The following INPP4B variants were observed in gnomAD, a reference collection of about 807,000 sequenced individuals.
INPP4B encodes inositol polyphosphate-4-phosphatase type II B.
A neutral mutation model predicts 122.5 loss-of-function variants in INPP4B; 55 were observed. The ratio of observed to expected loss-of-function variants is 0.45; its 90% CI spans 0.36 to 0.56. The LOEUF is 0.56. INPP4B is among the 20% of genes least tolerant of loss of function. The probability of loss-of-function intolerance (pLI) is 0.00; values close to 1 mark genes in which losing one functional copy is unlikely to be tolerated. For synonymous variants in INPP4B, 403 were observed against 388.7 expected, an observed-to-expected ratio of 1.04 and a Z score of -0.43; for missense variants, 1,000 against 1,097.7, an observed-to-expected ratio of 0.91 and a Z score of 1.26.
At chr4:142,160,215 A>C (rs1226060978) in intron 17 of INPP4B, 143 bp downstream of exon 17, 1 of 517,222 alleles carries the variant, frequency 1.9e-6, no homozygotes, top group African/African-American at 1.9e-5. Context: ...ATTGCCCCTA[A>C]GGAAAAATGT....
At chr4:142,246,078 CATT>C (rs1427065264) in intron 11 of INPP4B, among the ~76,000 whole-genome samples, 119 of 142,048 alleles carry the variant, frequency 8.4e-4, no homozygotes, top group African/African-American at 3.1e-3. Flanking sequence ...TGTATACACA[CATT>C]ATATATATGT....
intron 2 of INPP4B, among the ~76,000 whole-genome samples, chr4:142,620,728 C>T (rs965281260): frequency 6.6e-6 from 1 of 151,954 alleles, no homozygotes; most frequent in African/African-American, 2.4e-5. Context: ...AATTTTACAA[C>T]TATTTAGCAG....
chr4:142,237,650 C>G (rs1184890407), intron 12 of INPP4B, among the ~76,000 whole-genome samples: 1 of 151,382 alleles, frequency 6.6e-6, no homozygotes, highest in African/African-American at 2.4e-5. Context: ...TCTATGTTAT[C>G]TATAGAAATA....
chr4:142,544,182 G>A (rs546259181), intron 2 of INPP4B, among the ~76,000 whole-genome samples: 1 of 141,390 alleles, frequency 7.1e-6, no homozygotes, highest in African/African-American at 2.6e-5. Flanking sequence ...ACTGAGATCT[G>A]ACTTCTTCCT....
chr4:142,161,803 G>C (rs1224495555), intron 16 of INPP4B, among the ~76,000 whole-genome samples: 1 of 151,846 alleles, frequency 6.6e-6, no homozygotes. Context: ...AGGTGAAAGG[G>C]ATCTTAAAGT....
intron 12 of INPP4B, among the ~76,000 whole-genome samples, chr4:142,236,944 G>A (rs1019309314): frequency 6.6e-6 from 1 of 152,188 alleles, no homozygotes; most frequent in Non-Finnish European, 1.5e-5. Context: ...AATTTAATGA[G>A]ATTTAGAACC....
At chr4:142,733,440 G>A (rs1766386102) in intron 1 of INPP4B, among the ~76,000 whole-genome samples, 1 of 152,032 alleles carries the variant, frequency 6.6e-6, no homozygotes, top group Non-Finnish European at 1.5e-5. Flanking sequence ...AAGAAAATGA[G>A]ACAACTGAAT....
At chr4:142,624,731 A>C (rs1745902364) in intron 2 of INPP4B, among the ~76,000 whole-genome samples, 1 of 152,208 alleles carries the variant, frequency 6.6e-6, no homozygotes, top group African/African-American at 2.4e-5. Context: ...AAAAATCCTC[A>C]ATAAAATACT....
intron 12 of INPP4B, among the ~76,000 whole-genome samples, chr4:142,211,521 A>G (rs949338404): frequency 1.3e-5 from 2 of 152,132 alleles, no homozygotes; most frequent in African/African-American, 4.8e-5. Flanking sequence ...ACAAGGAAGT[A>G]AAAAAATAAG....
chr4:142,110,159 C>T (rs1490788507), intron 22 of INPP4B, among the ~76,000 whole-genome samples: 1 of 152,048 alleles, frequency 6.6e-6, no homozygotes, highest in East Asian at 1.9e-4. Context: ...GACAGTGCCT[C>T]TAAGGGGTAA....
In INPP4B at chr4:142,082,153, G is replaced by C. The variant is rs142468698; in HGVS notation, c.2520C>G (p.Thr840=). Residue 840 remains threonine, a synonymous_variant, in exon 25 of 26, where the codon ACC becomes ACG. Transcript: ENST00000262992. ...ICRKLNGIRF[T]CCKSAKDRTS... ...TCCTGTCTTTGGCACTTTTACAACA[G>C]GTGAAACGAATACCATTCAGTTTGC... 215 of 1,532,176 alleles carry C rather than the reference G, an allele frequency of 1.4e-4. No homozygotes were observed. Among genetic ancestry groups the C allele is most frequent in the Non-Finnish European group, 1.7e-4 (195 of 1,120,868 alleles). 94.9% of individuals were successfully genotyped at this position (1,532,176 alleles called of 1,614,324 possible).
rs1778124065 is a variant in INPP4B, at chr4:142,340,012, T to G, written c.373-25250A>C. On this transcript the variant is annotated intron_variant, in intron 7 of 25. Coordinates refer to ENST00000262992, the MANE Select transcript of INPP4B (RefSeq NM_001101669.3). ...GAAAGATTTTTTTTTATTTCTAAGC[T>G]ACAAGACTGTCTTCTAAAGGAAAAG... Among the ~76,000 whole-genome samples the G allele has an allele frequency of 3.3e-5, 5 of 152,198 alleles. No individual in the cohort carries two copies. In the South Asian group the frequency reaches 1.0e-3, roughly 31 times the overall value.
intron 25 of INPP4B, among the ~76,000 whole-genome samples, chr4:142,049,227 T>C (rs541481765): frequency 1.3e-5 from 2 of 152,208 alleles, no homozygotes; most frequent in Admixed American, 1.3e-4. Context: ...TCTGACCTGT[T>C]GTTACATGTA....
intron 7 of INPP4B, among the ~76,000 whole-genome samples, chr4:142,339,992 A>AT (rs975941842): frequency 3.2e-4 from 49 of 151,928 alleles, no homozygotes; most frequent in South Asian, 8.3e-4. Flanking sequence ...ACAAAGAAAG[A>AT]TTTTTTTTTA....
At chr4:142,129,109 C>A (rs1457726562) in intron 18 of INPP4B, among the ~76,000 whole-genome samples, 1 of 152,184 alleles carries the variant, frequency 6.6e-6, no homozygotes, top group Non-Finnish European at 1.5e-5. Context: ...AATGAGCCAG[C>A]TCTTAGGATT....
intron 2 of INPP4B, among the ~76,000 whole-genome samples, chr4:142,517,087 C>T (rs1028452380): frequency 6.6e-6 from 1 of 151,704 alleles, no homozygotes; most frequent in Non-Finnish European, 1.5e-5. Context: ...AAAAAAAATG[C>T]AGCATAACCT....
At chr4:142,548,737 A>C (rs74993663) in intron 2 of INPP4B, among the ~76,000 whole-genome samples, 6,533 of 147,388 alleles carry the variant, frequency 0.044, 308 homozygotes, top group African/African-American at 0.12. Context: ...AATATAGTGC[A>C]TACAGATGTG....
intron 25 of INPP4B, among the ~76,000 whole-genome samples, chr4:142,076,369 C>T (rs1245882119): frequency 6.6e-6 from 1 of 152,034 alleles, no homozygotes; most frequent in East Asian, 1.9e-4. Context: ...GCTACTTGCT[C>T]TAACATGATT....
intron 7 of INPP4B, among the ~76,000 whole-genome samples, chr4:142,318,631 T>G (rs898566763): frequency 2.6e-5 from 4 of 152,230 alleles, no homozygotes; most frequent in Non-Finnish European, 5.9e-5. Context: ...TCTAGACTTT[T>G]ATGATGTCAA....
Sources: gnomAD v4.1 joint callset for allele counts (sites outside exome capture counted in the v4.1 genomes callset) on GRCh38, gnomAD v4.1.1 for gene constraint, MANE v1.5 for transcripts, NCBI Gene and HGNC (gene_info 2026-07-23, HGNC 2026-07-21) for gene names.